PACS1: variants seen among roughly 807,000 people sequenced by gnomAD.
The protein encoded by PACS1 is phosphofurin acidic cluster sorting protein 1.
Under a neutral mutation model 115.0 loss-of-function variants are expected in PACS1, and 24 were observed. The ratio of observed to expected loss-of-function variants is 0.21; its 90% CI spans 0.15 to 0.29. The LOEUF is 0.29. Ranked by LOEUF, PACS1 falls within the 10% of genes least tolerant of loss-of-function variation. PACS1 has a pLI of 1.00. For synonymous variants in PACS1, 453 were observed against 504.5 expected (o/e 0.90, Z 1.37); for missense variants, 838 against 1,251.2 (o/e 0.67, Z 4.98).
At chr11:66,086,962 TAAAC>T (rs1857581347) in intron 1 of PACS1, among the ~76,000 whole-genome samples, 1 of 151,706 alleles carries the variant, frequency 6.6e-6, no homozygotes. Context: ...GTCATGGAAA[TAAAC>T]AAAAAACCTT....
chr11:66,138,084 GTTTATTTA>G (rs56348908), intron 1 of PACS1, among the ~76,000 whole-genome samples: 1 of 149,288 alleles, frequency 6.7e-6, no homozygotes, highest in African/African-American at 2.5e-5. Flanking sequence ...ATTTTGCCCC[GTTTATTTA>G]TTTATTTATT....
chr11:66,187,171 A>AT (rs1246449555), intron 1 of PACS1, among the ~76,000 whole-genome samples: 1 of 151,896 alleles, frequency 6.6e-6, no homozygotes, highest in Non-Finnish European at 1.5e-5. Flanking sequence ...TTTGAACCTT[A>AT]TTTTTTAATT....
chr11:66,186,133 G>A (rs1461112729), intron 1 of PACS1, among the ~76,000 whole-genome samples: 1 of 151,918 alleles, frequency 6.6e-6, no homozygotes, highest in South Asian at 2.1e-4. Context: ...TAATTAGCTG[G>A]GTGCGGTAGA....
At chr11:66,174,819 A>G (rs1482088082) in intron 1 of PACS1, among the ~76,000 whole-genome samples, 1 of 152,196 alleles carries the variant, frequency 6.6e-6, no homozygotes, top group African/African-American at 2.4e-5. Flanking sequence ...GCACTATCTA[A>G]CAAATTTATT....
chr11:66,086,738 C>T (rs1159401179), intron 1 of PACS1, among the ~76,000 whole-genome samples: 2 of 152,046 alleles, frequency 1.3e-5, no homozygotes, highest in African/African-American at 4.8e-5. Flanking sequence ...GCCTCAGCCT[C>T]CTGAGTAGCT....
intron 14 of PACS1, among the ~76,000 whole-genome samples, chr11:66,232,654 G>T (rs756791407): frequency 4.6e-5 from 7 of 152,216 alleles, no homozygotes; most frequent in Non-Finnish European, 1.0e-4. Context: ...GCAAGGCAGA[G>T]CATCCCTGCC....
chr11:66,144,347 G>T (rs1172524505), intron 1 of PACS1, among the ~76,000 whole-genome samples: 1 of 152,174 alleles, frequency 6.6e-6, no homozygotes, highest in African/African-American at 2.4e-5. Context: ...CATGTCAAAA[G>T]AGTAAACAAA....
intron 1 of PACS1, among the ~76,000 whole-genome samples, chr11:66,094,763 A>G (rs2134518144): frequency 6.6e-6 from 1 of 151,916 alleles, no homozygotes; most frequent in Non-Finnish European, 1.5e-5. Context: ...TTTTAGACCA[A>G]TATCCTTGAT....
rs143667524 is a variant in PACS1 at position 66,098,654 on chromosome 11, A to G, written c.356+27812A>G. Among the ~76,000 whole-genome samples the G allele has an allele frequency of 8.7e-3, 1,322 of 152,284 alleles. 24 individuals carry two copies. Among genetic ancestry groups the G allele is most frequent in the African/African-American group, 0.029 (1,220 of 41,568 alleles). On this transcript the variant is annotated intron_variant, in intron 1 of 23. Transcript: ENST00000320580. ...ATTCACAGTTTGCTGCCCCAACTAT[A>G]TCTCATTTCTGTTTTGTCCCAGAAT...
intron 10 of PACS1, among the ~76,000 whole-genome samples, chr11:66,221,832 T>A (rs1855357446): frequency 6.6e-6 from 1 of 152,108 alleles, no homozygotes; most frequent in South Asian, 2.1e-4. Flanking sequence ...AATCTCCCCC[T>A]CTGCTGGGCG....
At chr11:66,124,253 AAACCTG>A (rs1233512491) in intron 1 of PACS1, among the ~76,000 whole-genome samples, 1 of 152,234 alleles carries the variant, frequency 6.6e-6, no homozygotes, top group African/African-American at 2.4e-5. Flanking sequence ...GCTTAAGTTG[AAACCTG>A]AAGGATGTGT....
At chr11:66,196,188 C>T (rs1200848667) in intron 2 of PACS1, among the ~76,000 whole-genome samples, 3 of 152,238 alleles carry the variant, frequency 2.0e-5, no homozygotes, top group African/African-American at 4.8e-5. Context: ...TGTGCCAGTG[C>T]ACTCCAGCCT....
At chr11:66,173,098 T>A (rs1859777304) in intron 1 of PACS1, among the ~76,000 whole-genome samples, 1 of 150,734 alleles carries the variant, frequency 6.6e-6, no homozygotes, top group Non-Finnish European at 1.5e-5. Flanking sequence ...TTGGTTTTTT[T>A]TTTTTGTTTT....
chr11:66,070,731 C>T lies in PACS1; in HGVS notation c.245C>T (p.Ser82Leu). 6.4e-7 allele frequency: 1 copy of T among 1,566,808 alleles called. No individual in the cohort carries two copies. The highest frequency in any genetic ancestry group is 8.6e-7 in the Non-Finnish European group (1 of 1,164,536). Residue 82 changes from serine to leucine, a missense_variant, in exon 1 of 24, where the codon TCG becomes TTG. Ser to Leu is a moderately radical substitution (Grantham distance 145). Coordinates refer to ENST00000320580, the MANE Select transcript of PACS1 (RefSeq NM_018026.4). This position sits in a 1 kb window ranked among gnomAD's most constrained non-coding sequence, Gnocchi z 5.9. ...ACCTCCATGGCCGTGGCGGTGGCCT[C>T]GGGCTCCGCGCCTCCCGGTGGCCCG... ...TSTSMAVAVA[S>L]GSAPPGGPGP...
chr11:66,191,948 G>A (rs946783560), intron 1 of PACS1, among the ~76,000 whole-genome samples: 21 of 152,002 alleles, frequency 1.4e-4, no homozygotes, highest in African/African-American at 5.1e-4. Context: ...GCTGGAACAC[G>A]GGAGGTGGAG....
chr11:66,203,873 AACTCT>A (rs370623185), intron 2 of PACS1, among the ~76,000 whole-genome samples: 1 of 56,996 alleles, frequency 1.8e-5, no homozygotes, highest in African/African-American at 4.1e-5. Context: ...CTGGAGACTT[AACTCT>A]AATACCTGAA....
At chr11:66,170,565 C>T (rs941363305) in intron 1 of PACS1, among the ~76,000 whole-genome samples, 1 of 149,740 alleles carries the variant, frequency 6.7e-6, no homozygotes, top group African/African-American at 2.5e-5. Flanking sequence ...TTAAAGTTAT[C>T]TTCTTATTAC....
chr11:66,177,024 T>C (rs889726452), intron 1 of PACS1, among the ~76,000 whole-genome samples: 1 of 152,184 alleles, frequency 6.6e-6, no homozygotes, highest in African/African-American at 2.4e-5. Context: ...CTTAGCTCCA[T>C]CCCTGTTCCT....
chr11:66,077,795 G>C (rs9737244), intron 1 of PACS1, among the ~76,000 whole-genome samples: 146,597 of 150,760 alleles, frequency 0.97, 71,416 homozygotes, highest in Middle Eastern at 1. Flanking sequence ...CTCCGCCTCC[G>C]AGGTTCAAGC....
Sources: allele counts gnomAD v4.1 joint callset (sites outside exome capture counted in the v4.1 genomes callset), GRCh38; gene constraint gnomAD v4.1.1; non-coding constraint Gnocchi (gnomAD v3.1); transcripts MANE v1.5; gene names NCBI Gene and HGNC (gene_info 2026-07-23, HGNC 2026-07-21).